AKAP6: variants seen among roughly 807,000 people sequenced by gnomAD.
The protein encoded by AKAP6 is A-kinase anchor protein 6.
In AKAP6, 58 loss-of-function variants were observed where a neutral mutation model predicts 188.5. That is an observed-to-expected ratio of 0.31 (90% confidence interval 0.25 to 0.38). The LOEUF (loss-of-function observed/expected upper bound fraction) is 0.38, where lower values mean the gene tolerates loss of function less well. Among genes scored for constraint, AKAP6 ranks in the 10% least tolerant of loss-of-function variants. AKAP6 has a pLI of 1.00. For synonymous variants in AKAP6, 989 were observed against 998.6 expected (o/e 0.99, Z 0.18); for missense variants, 2,710 against 2,740.0 (o/e 0.99, Z 0.24).
intron 1 of AKAP6, among the ~76,000 whole-genome samples, chr14:32,351,035 G>C (rs7153398): frequency 6.6e-6 from 1 of 151,670 alleles, no homozygotes; most frequent in Admixed American, 6.6e-5. Context: ...TACTAAACCC[G>C]GAATCTCGAA....
chr14:32,547,092 G>A, intron 4 of AKAP6, 93 bp downstream of exon 4: 3 of 1,183,574 alleles, frequency 2.5e-6, no homozygotes, highest in African/African-American at 1.5e-5. Flanking sequence ...ATTATAAAAT[G>A]TATGGCTATT....
chr14:32,489,753 A>G (rs1257975113), intron 2 of AKAP6, among the ~76,000 whole-genome samples: 2 of 152,218 alleles, frequency 1.3e-5, no homozygotes, highest in East Asian at 3.9e-4. Context: ...CTTAATGCCC[A>G]TGTAGGCATC....
chr14:32,579,057 G>A (rs1402734203), intron 5 of AKAP6, among the ~76,000 whole-genome samples: 3 of 152,166 alleles, frequency 2.0e-5, no homozygotes, highest in Non-Finnish European at 4.4e-5. Flanking sequence ...TGTGGCTAAT[G>A]CAACTGAAGA....
At chr14:32,557,222 G>A (rs991911650) in intron 4 of AKAP6, among the ~76,000 whole-genome samples, 4 of 152,206 alleles carry the variant, frequency 2.6e-5, no homozygotes, top group African/African-American at 9.6e-5. Context: ...CAGTAGCTGG[G>A]ACTACAGGTA....
At position 32,735,771 on chromosome 14, in the gene AKAP6, C is replaced by T. The variant is rs1196380277; in HGVS notation, c.3261C>T (p.Ile1087=). The change falls in exon 11 of 14, where the codon ATC becomes ATT. Residue 1087 remains isoleucine, a synonymous_variant. Coordinates refer to ENST00000280979, the MANE Select transcript of AKAP6 (RefSeq NM_004274.5). ...TGGTAAGGCAGCTGGAGGTCAGGAT[C>T]AAAGAACTGAAAGGATGGCTAAGAG... ...GSLVRQLEVR[I]KELKGWLRDT... 1 of 1,613,338 alleles carries T rather than the reference C, an allele frequency of 6.2e-7. No individual in the cohort carries two copies. Among genetic ancestry groups the T allele is most frequent in the South Asian group, 1.1e-5 (1 of 91,064 alleles).
At chr14:32,382,375 G>A (rs1888393425) in intron 1 of AKAP6, among the ~76,000 whole-genome samples, 1 of 152,182 alleles carries the variant, frequency 6.6e-6, no homozygotes, top group Non-Finnish European at 1.5e-5. Flanking sequence ...TTCTCACTGT[G>A]TGAGCGCTGG....
intron 5 of AKAP6, among the ~76,000 whole-genome samples, chr14:32,594,349 C>T (rs891796606): frequency 6.6e-6 from 1 of 152,070 alleles, no homozygotes; most frequent in Non-Finnish European, 1.5e-5. Flanking sequence ...GTAATTTTAT[C>T]ATAGATACAA....
intron 2 of AKAP6, among the ~76,000 whole-genome samples, chr14:32,528,674 C>T (rs1044884803): frequency 6.6e-6 from 1 of 151,904 alleles, no homozygotes; most frequent in African/African-American, 2.4e-5. Context: ...CTCACATAAA[C>T]TTTATTATTA....
At chr14:32,464,936 C>A (rs2138837607) in intron 2 of AKAP6, among the ~76,000 whole-genome samples, 1 of 152,198 alleles carries the variant, frequency 6.6e-6, no homozygotes, top group East Asian at 1.9e-4. Context: ...ACAAGCATTC[C>A]TATACATCAA....
chr14:32,780,157 C>CCATATATATATATATATATAT (rs142218168), intron 12 of AKAP6, among the ~76,000 whole-genome samples: 1 of 119,346 alleles, frequency 8.4e-6, no homozygotes, highest in Non-Finnish European at 1.8e-5. Flanking sequence ...AAAAAAAAAA[C>CCATATATATATATATATATAT]ATATATATAT....
At chr14:32,702,471 G>T (rs1890653230) in intron 9 of AKAP6, among the ~76,000 whole-genome samples, 1 of 151,328 alleles carries the variant, frequency 6.6e-6, no homozygotes, top group Non-Finnish European at 1.5e-5. Context: ...GGAAGAAAAA[G>T]TAGATGAATG....
chr14:32,362,429 G>C (rs908847001), intron 1 of AKAP6, among the ~76,000 whole-genome samples: 1 of 152,190 alleles, frequency 6.6e-6, no homozygotes, highest in Non-Finnish European at 1.5e-5. Context: ...AATGAACTCT[G>C]TCAGACTCGG....
intron 1 of AKAP6, among the ~76,000 whole-genome samples, chr14:32,374,692 A>C (rs1482869520): frequency 6.6e-6 from 1 of 152,234 alleles, no homozygotes; most frequent in African/African-American, 2.4e-5. Flanking sequence ...TTTTTAAATA[A>C]AATGGAAAGA....
intron 1 of AKAP6, among the ~76,000 whole-genome samples, chr14:32,397,874 G>A (rs997326465): frequency 6.6e-6 from 1 of 152,118 alleles, no homozygotes; most frequent in African/African-American, 2.4e-5. Context: ...GCAACACTGA[G>A]GTCTCCTCTT....
chr14:32,738,655 C>A (rs77940679), intron 11 of AKAP6, among the ~76,000 whole-genome samples: 1 of 152,026 alleles, frequency 6.6e-6, no homozygotes, highest in East Asian at 1.9e-4. Context: ...CATTTGAATC[C>A]CCATAGCAAC....
intron 12 of AKAP6, among the ~76,000 whole-genome samples, chr14:32,786,546 G>A (rs888051745): frequency 2.6e-5 from 4 of 151,428 alleles, no homozygotes; most frequent in African/African-American, 7.3e-5. Flanking sequence ...GGATGGTTTC[G>A]ATCTCCTGAC....
chr14:32,706,747 A>C (rs954650232), intron 9 of AKAP6, among the ~76,000 whole-genome samples: 1 of 152,134 alleles, frequency 6.6e-6, no homozygotes, highest in Non-Finnish European at 1.5e-5. Context: ...GGGGTAAGCA[A>C]AGAAGGAAGG....
At chr14:32,667,177 T>C (rs952341348) in intron 7 of AKAP6, among the ~76,000 whole-genome samples, 2 of 152,108 alleles carry the variant, frequency 1.3e-5, no homozygotes, top group Admixed American at 6.6e-5. Context: ...CCTCGGAGCC[T>C]AAAATGGAGT....
intron 1 of AKAP6, among the ~76,000 whole-genome samples, chr14:32,408,856 G>T (rs12888500): frequency 1.3e-5 from 2 of 151,876 alleles, no homozygotes; most frequent in Non-Finnish European, 2.9e-5. Flanking sequence ...CTGGTGAAAG[G>T]CTTCATGTGT....
Sources: allele counts gnomAD v4.1 joint callset (sites outside exome capture counted in the v4.1 genomes callset), GRCh38; gene constraint gnomAD v4.1.1; transcripts MANE v1.5; gene names NCBI Gene and HGNC (gene_info 2026-07-23, HGNC 2026-07-21).